The following SUN3 variants were observed in gnomAD, a reference collection of about 807,000 sequenced individuals.
SUN3 encodes the protein Sad1 and UNC84 domain containing 3.
Under a neutral mutation model 48.2 loss-of-function variants are expected in SUN3, and 36 were observed. That is an observed-to-expected ratio of 0.75 (90% CI 0.57 to 0.99). The LOEUF (loss-of-function observed/expected upper bound fraction) is 0.99. SUN3 is among the 50% of genes least tolerant of loss of function. The probability of loss-of-function intolerance (pLI) is 0.00; values close to 1 mark genes in which losing one functional copy is unlikely to be tolerated. For synonymous variants in SUN3, 148 were observed against 147.9 expected (o/e 1.00, Z 0.00); for missense variants, 419 against 433.1 (o/e 0.97, Z 0.29).
At chr7:48,030,361 C>T (rs546643230), upstream of SUN3, among the ~76,000 whole-genome samples, 57 of 152,280 alleles carry the variant, frequency 3.7e-4, 1 homozygote, top group South Asian at 1.4e-3. Context: ...CCTTTCCACC[C>T]GGCATCTGCC....
intron 9 of SUN3, 90 bp from the exon 10 acceptor site, chr7:47,987,539 C>CTTT: frequency 3.7e-6 from 4 of 1,070,220 alleles, no homozygotes; most frequent in Non-Finnish European, 2.5e-6. Context: ...AAATTATATA[C>CTTT]TTTTTTTTTT....
At chr7:48,014,872 C>T (rs1010366458) in intron 3 of SUN3, among the ~76,000 whole-genome samples, 1 of 152,212 alleles carries the variant, frequency 6.6e-6, no homozygotes, top group Non-Finnish European at 1.5e-5. Flanking sequence ...TGTTACAGCT[C>T]GAGTCTGAAG....
At chr7:47,994,814 ATGG>A (rs1206222305) in intron 7 of SUN3, among the ~76,000 whole-genome samples, 3 of 151,936 alleles carry the variant, frequency 2.0e-5, no homozygotes, top group African/African-American at 7.3e-5. Context: ...TGTGGTGATG[ATGG>A]TGGTAATAAT....
At chr7:48,035,521 T>A in the SUN3 span, 1 of 697,596 alleles carries the variant, frequency 1.4e-6, no homozygotes, top group Non-Finnish European at 2.6e-6. This position sits in a 1 kb window ranked among gnomAD's most constrained non-coding sequence, Gnocchi z 4.0. Context: ...GATGTTGTGG[T>A]TCCGCGGCGC....
intron 6 of SUN3, among the ~76,000 whole-genome samples, chr7:48,004,283 A>G (rs1789465343): frequency 6.6e-6 from 1 of 152,230 alleles, no homozygotes; most frequent in Non-Finnish European, 1.5e-5. Flanking sequence ...TACCCTAGAC[A>G]TACTGAATAT....
rs536433805 is a variant in SUN3, at chr7:47,998,060, A to T, written c.578-1914T>A. 2.0e-4 allele frequency among the ~76,000 whole-genome samples: 31 copies of T among 152,352 alleles called. No homozygotes were observed. In the South Asian group the frequency reaches 5.6e-3, roughly 27 times the overall value. The stretch of plus-strand genomic sequence containing the variant: ...ACATTCTTGGCAAGTTTTGATGTGA[A>T]CATGTTTCAATTTATCTTAGATAAA... On this transcript the variant is annotated intron_variant, in intron 6 of 9. Coordinates refer to ENST00000297325, the MANE Select transcript of SUN3 (RefSeq NM_001030019.2).
rs147081522 is a variant in SUN3 at position 48,019,264 on chromosome 7, GAAAT to G, written c.185-1903_185-1900del. 4.8e-3 allele frequency among the ~76,000 whole-genome samples: 731 copies of G among 151,878 alleles called. 7 individuals carry two copies. Among genetic ancestry groups the G allele is most frequent in the African/African-American group, 0.017 (688 of 41,446 alleles). On this transcript the variant is annotated intron_variant, in intron 2 of 9. Coordinates refer to ENST00000297325, the MANE Select transcript of SUN3 (RefSeq NM_001030019.2). ...AGAGAAAGGGGCAGAAAGAAATGAA[GAAAT>G]AAATAAAACCTATGGGATACAGCAA... is the stretch of plus-strand genomic sequence containing the variant.
At chr7:48,028,741 A>G in intron 1 of SUN3, 76 bp downstream of exon 1, 1 of 1,564,744 alleles carries the variant, frequency 6.4e-7, no homozygotes, top group Non-Finnish European at 8.7e-7. Flanking sequence ...CAGGTAACAG[A>G]TGAACAGACA....
At chr7:48,013,880 C>G (rs1317571457) in intron 3 of SUN3, among the ~76,000 whole-genome samples, 1 of 152,196 alleles carries the variant, frequency 6.6e-6, no homozygotes, top group African/African-American at 2.4e-5. Context: ...TGTGTGAAAA[C>G]CAGGTTAACA....
Position 48,017,255 on chromosome 7 carries a change from A to C in SUN3, c.288+7T>G. 6.7e-7 allele frequency: 1 copy of C among 1,496,866 alleles called. No homozygotes were observed. Among genetic ancestry groups the C allele is most frequent in the Admixed American group, 1.9e-5 (1 of 53,986 alleles). The allele number at this position is 1,496,866 out of a possible 1,614,324, so 92.7% of individuals were successfully genotyped here. ...GTGATATACAAAATTACTTAACAAA[A>C]TATCACCTGATATTTATAAAGCCTT... On this transcript the variant is annotated splice_region_variant and intron_variant, in intron 3 of 9. Transcript: ENST00000297325.
intron 7 of SUN3, among the ~76,000 whole-genome samples, chr7:47,994,766 G>A (rs1446040786): frequency 6.6e-6 from 1 of 151,006 alleles, no homozygotes; most frequent in Non-Finnish European, 1.5e-5. Flanking sequence ...GCTAGTGATG[G>A]TGGTAGTGAG....
intron 3 of SUN3, among the ~76,000 whole-genome samples, chr7:48,015,974 T>C (rs912033799): frequency 6.6e-6 from 1 of 152,120 alleles, no homozygotes; most frequent in Non-Finnish European, 1.5e-5. Flanking sequence ...AGCTACAAGA[T>C]TAGAAATTAC....
At chr7:48,024,815 G>A (rs975295130) in intron 2 of SUN3, among the ~76,000 whole-genome samples, 1 of 152,130 alleles carries the variant, frequency 6.6e-6, no homozygotes, top group African/African-American at 2.4e-5. Flanking sequence ...AACTAATAGA[G>A]TGACAACTCA....
At chr7:48,008,968 T>C (rs1340106824) in intron 4 of SUN3, 67 bp downstream of exon 4, 3 of 1,485,458 alleles carry the variant, frequency 2.0e-6, no homozygotes, top group Non-Finnish European at 2.8e-6. Context: ...TATACTTTTC[T>C]GTACGAAAAC....
At chr7:48,004,438 G>T (rs1387274168) in intron 6 of SUN3, among the ~76,000 whole-genome samples, 1 of 152,122 alleles carries the variant, frequency 6.6e-6, no homozygotes. Flanking sequence ...TTTACTACAG[G>T]CCTGTCATGT....
chr7:47,996,058 A>G lies in SUN3; in HGVS notation c.666T>C (p.His222=). 6.3e-7 allele frequency: 1 copy of G among 1,583,298 alleles called. No individual in the cohort carries two copies. Among genetic ancestry groups the G allele is most frequent in the Admixed American group, 1.9e-5 (1 of 52,900 alleles). Residue 222 remains histidine (H), a synonymous_variant, in exon 7 of 10, where the codon CAT becomes CAC. Coordinates refer to ENST00000297325, the MANE Select transcript of SUN3 (RefSeq NM_001030019.2). ...GAAGAATAATATCTGGAGGCATTTC[A>G]TGATTTAGGAAACCTATCCCATGCC... The part of the protein sequence containing the change: ...LYWHGIGFLN[H]EMPPDIILQP...
intron 6 of SUN3, 47 bp from the exon 7 acceptor site, chr7:47,996,193 T>A: frequency 9.8e-7 from 1 of 1,019,152 alleles, no homozygotes; most frequent in Non-Finnish European, 1.5e-6. Context: ...ACATACACAA[T>A]TCAAAACACA....
Position 47,987,309 on chromosome 7 carries a change from T to C in SUN3, c.*21A>G. On this transcript the variant is annotated 3_prime_UTR_variant, in exon 10 of 10. Transcript: ENST00000297325. ...TCTTGAATATTCTGGACATGTGGCA[T>C]GGCCTTCTGTACCAACTCTTCTAGA... The C allele has an allele frequency of 6.2e-7, 1 of 1,603,832 alleles. No homozygotes were observed. Among genetic ancestry groups the C allele is most frequent in the African/African-American group, 1.3e-5 (1 of 74,634 alleles).
intron 2 of SUN3, among the ~76,000 whole-genome samples, chr7:48,022,360 A>G (rs1790022802): frequency 6.6e-6 from 1 of 152,148 alleles, no homozygotes; most frequent in Non-Finnish European, 1.5e-5. Context: ...TGACAACACA[A>G]TGGGTGACTA....
Sources: gnomAD v4.1 joint callset for allele counts (sites outside exome capture counted in the v4.1 genomes callset) on GRCh38, gnomAD v4.1.1 for gene constraint, Gnocchi (gnomAD v3.1) non-coding constraint, MANE v1.5 for transcripts, NCBI Gene and HGNC (gene_info 2026-07-23, HGNC 2026-07-21) for gene names.